DOCK8: variants seen among roughly 807,000 people sequenced by gnomAD.
DOCK8 encodes the protein dedicator of cytokinesis protein 8.
DOCK8 carries 141 observed loss-of-function variants against 245.6 expected under a neutral mutation model. The observed-to-expected ratio is 0.57, with a 90% CI of 0.50 to 0.66. The LOEUF (loss-of-function observed/expected upper bound fraction) is 0.66, where lower values mean the gene tolerates loss of function less well. Among genes scored for constraint, DOCK8 ranks in the 30% least tolerant of loss-of-function variants. The probability of loss-of-function intolerance (pLI) is 0.00; values close to 1 mark genes in which losing one functional copy is unlikely to be tolerated. For missense variants in DOCK8, 2,965 were observed against 2,603.4 expected, an observed-to-expected ratio of 1.14 and a Z score of -3.02; for synonymous variants, 1,168 against 970.2, an observed-to-expected ratio of 1.20 and a Z score of -3.79.
chr9:403,975 T>TATAC (rs1491376974), intron 26 of DOCK8, among the ~76,000 whole-genome samples: 20 of 91,188 alleles, frequency 2.2e-4, no homozygotes, highest in African/African-American at 1.3e-3. Context: ...TATATATATA[T>TATAC]GTGTATATAT....
chr9:286,104 A>G (rs1217036559), intron 2 of DOCK8, among the ~76,000 whole-genome samples: 1 of 152,226 alleles, frequency 6.6e-6, no homozygotes, highest in East Asian at 1.9e-4. Flanking sequence ...TTGGGTAAAC[A>G]AAACATGGCC....
intron 1 of DOCK8, among the ~76,000 whole-genome samples, chr9:264,585 C>T (rs535676540): frequency 1.1e-3 from 163 of 152,228 alleles, no homozygotes; most frequent in African/African-American, 3.8e-3. Flanking sequence ...TTATTCTAGA[C>T]TTTATGGCTG....
chr9:400,336 TCCTCCACCACCACCACCTCC>T (rs2054834862), intron 26 of DOCK8, among the ~76,000 whole-genome samples: 1 of 4,960 alleles, frequency 2.0e-4, no homozygotes, highest in Non-Finnish European at 3.2e-4. Flanking sequence ...CACCACCACC[TCCTCCACCACCACCACCTCC>T]TCCACCATCA....
At position 464,682 on chromosome 9, in the gene DOCK8, G is replaced by A. The variant is rs374657685; in HGVS notation, c.*463G>A. The A allele has an allele frequency of 2.1e-5, 4 of 186,996 alleles. No individual in the cohort carries two copies. Among genetic ancestry groups the A allele is most frequent in the Non-Finnish European group, 4.6e-5 (4 of 87,718 alleles). The allele number at this position is 186,996 out of a possible 1,614,324, so 11.6% of individuals were successfully genotyped here. A position where few individuals can be genotyped will look rare whatever the true frequency, so the allele number is the denominator to read the frequency against. On this transcript the variant is annotated 3_prime_UTR_variant, in exon 48 of 48. Transcript: ENST00000432829. The stretch of plus-strand genomic sequence containing the variant: ...AGGCAGGGCAAACTTGTAGGAGTAC[G>A]AAACATTTTCAATAAATCTACAAAG...
chr9:289,133 A>C (rs1284457755), intron 3 of DOCK8, among the ~76,000 whole-genome samples: 5 of 152,208 alleles, frequency 3.3e-5, no homozygotes, highest in Admixed American at 3.3e-4. Flanking sequence ...ACAAGGTTAC[A>C]CATGCATAAA....
intron 11 of DOCK8, among the ~76,000 whole-genome samples, chr9:335,437 C>G (rs2051262942): frequency 6.6e-6 from 1 of 152,150 alleles, no homozygotes; most frequent in Admixed American, 6.5e-5. Flanking sequence ...GAAATACTAC[C>G]TTGAGCAGGG....
At chr9:214,482 G>A (rs1259626374), upstream of DOCK8, 3 of 1,591,816 alleles carry the variant, frequency 1.9e-6, no homozygotes, top group African/African-American at 1.4e-5. Flanking sequence ...CTTCGAGAAT[G>A]GTGTCAACCC....
chr9:360,924 C>T (rs940742478), intron 14 of DOCK8, among the ~76,000 whole-genome samples: 1 of 152,216 alleles, frequency 6.6e-6, no homozygotes, highest in South Asian at 2.1e-4. Flanking sequence ...CTTTAGGAGG[C>T]CCAGGCATGA....
chr9:271,430 G>A (rs903106548), intron 1 of DOCK8, among the ~76,000 whole-genome samples, 197 bp from the exon 2 acceptor site: 3 of 152,086 alleles, frequency 2.0e-5, no homozygotes, highest in Non-Finnish European at 4.4e-5. Context: ...TGGCCTCTGT[G>A]AACTTCTCAA....
intron 15 of DOCK8, chr9:369,801 A>G (rs2053199230): frequency 4.1e-6 from 1 of 242,186 alleles, no homozygotes; most frequent in African/African-American, 2.3e-5. Flanking sequence ...TTGTAGTCCC[A>G]GCACTTTTTT....
In DOCK8 at chr9:449,615, T is replaced by A. The variant is rs181404852; in HGVS notation, c.5818-169T>A. On this transcript the variant is annotated intron_variant, in intron 44 of 47. Coordinates refer to ENST00000432829, the MANE Select transcript of DOCK8 (RefSeq NM_203447.4). ...TCCTGGAACATAAGGAATCAAGAAA[T>A]GTTAGGCCCATCTTTCTTTTTAACC... Among the ~76,000 whole-genome samples the A allele has an allele frequency of 4.3e-4, 65 of 152,260 alleles. 1 individual carries two copies. Among genetic ancestry groups the A allele is most frequent in the Admixed American group, 1.5e-3 (23 of 15,292 alleles).
At chr9:376,935 G>C in intron 19 of DOCK8, 42 bp from the exon 20 acceptor site, 1 of 1,554,520 alleles carries the variant, frequency 6.4e-7, no homozygotes. Flanking sequence ...GGTGAACATT[G>C]ATGGTATAAA....
At chr9:314,088 AAG>A (rs2050242708) in intron 6 of DOCK8, among the ~76,000 whole-genome samples, 1 of 152,218 alleles carries the variant, frequency 6.6e-6, no homozygotes, top group Non-Finnish European at 1.5e-5. Flanking sequence ...GCTAACTACA[AAG>A]TTCGTGTTCC....
At chr9:262,140 C>T (rs912966910) in intron 1 of DOCK8, among the ~76,000 whole-genome samples, 2 of 151,958 alleles carry the variant, frequency 1.3e-5, no homozygotes, top group Non-Finnish European at 2.9e-5. Flanking sequence ...ACTTTCTTAG[C>T]ATCATTAGTC....
chr9:248,447 C>T (rs785837), intron 1 of DOCK8, among the ~76,000 whole-genome samples: 51,198 of 146,956 alleles, frequency 0.35, 8,820 homozygotes, highest in East Asian at 0.4. Context: ...TGTCTTTCCC[C>T]TCCTTCCTTC....
At chr9:247,780 A>G (rs1319022843) in intron 1 of DOCK8, among the ~76,000 whole-genome samples, 1 of 151,734 alleles carries the variant, frequency 6.6e-6, no homozygotes, top group Non-Finnish European at 1.5e-5. Context: ...CTCGTGATCC[A>G]CCCTCCTCGG....
At chr9:214,781 G>A (rs1377103350), upstream of DOCK8, 9 of 1,550,918 alleles carry the variant, frequency 5.8e-6, no homozygotes, top group Non-Finnish European at 7.8e-6. Context: ...TGGCGGAGCC[G>A]GCCGTCGCTG....
At chr9:434,066 C>A in intron 38 of DOCK8, 91 bp downstream of exon 38, 1 of 912,718 alleles carries the variant, frequency 1.1e-6, no homozygotes, top group African/African-American at 1.6e-5. Flanking sequence ...TCACAGCTAA[C>A]ATGGATATAG....
intron 34 of DOCK8, 56 bp from the exon 35 acceptor site, chr9:428,306 T>C: frequency 1.2e-6 from 2 of 1,612,856 alleles, no homozygotes; most frequent in South Asian, 1.1e-5. Flanking sequence ...GTCAGGAACA[T>C]CCAGTTCATT....
Sources: gnomAD v4.1 joint callset for allele counts (sites outside exome capture counted in the v4.1 genomes callset) on GRCh38, gnomAD v4.1.1 for gene constraint, MANE v1.5 for transcripts, NCBI Gene and HGNC (gene_info 2026-07-23, HGNC 2026-07-21) for gene names.